The following SLC16A9 variants were observed in gnomAD, a reference collection of about 807,000 sequenced individuals.
SLC16A9 encodes the protein monocarboxylate transporter 9.
SLC16A9 carries 26 observed loss-of-function variants against 44.3 expected under a neutral mutation model. The ratio of observed to expected loss-of-function variants is 0.59; its 90% CI spans 0.43 to 0.81. The LOEUF (loss-of-function observed/expected upper bound fraction) is 0.81, where lower values mean the gene tolerates loss of function less well. Ranked by LOEUF, SLC16A9 falls within the 40% of genes least tolerant of loss-of-function variation. The pLI is 0.00. For synonymous variants in SLC16A9, 230 were observed against 225.1 expected, an observed-to-expected ratio of 1.02 and a Z score of -0.19; for missense variants, 559 against 595.8, an observed-to-expected ratio of 0.94 and a Z score of 0.64.
chr10:59,651,763 G>GCGCA lies in SLC16A9; in HGVS notation c.*1008_*1009insTGCG, dbSNP rs1554865128. ...CCCATGCAGACTTAGAGCATGCATA[G>GCGCA]CACACACACACACACACACACACAC... On this transcript the variant is annotated 3_prime_UTR_variant, in exon 6 of 6. Transcript: ENST00000395348. The GCGCA allele has an allele frequency of 2.0e-5, 3 of 149,924 alleles. No individual in the cohort carries two copies. Among genetic ancestry groups the GCGCA allele is most frequent in the South Asian group, 2.1e-4 (1 of 4,730 alleles). The allele number at this position is 149,924 out of a possible 1,614,324, so 9.3% of individuals were successfully genotyped here.
In SLC16A9 at chr10:59,654,102, G is replaced by A; in HGVS notation, c.924C>T (p.Ala308=). The A allele has an allele frequency of 1.9e-6, 3 of 1,614,062 alleles. No homozygotes were observed. Among genetic ancestry groups the A allele is most frequent in the Non-Finnish European group, 2.5e-6 (3 of 1,180,016 alleles). ...CAAAGAGTAAGATAGCAATGAAAAG[G>A]GCTGAAAATACTTTGTTTTTAAAAA... is the stretch of plus-strand genomic sequence containing the variant. ...VALFKNKVFS[A]LFIAILLFDI... The change falls in exon 5 of 6, where the codon GCC becomes GCT. Residue 308 remains alanine (A), a synonymous_variant. Coordinates refer to ENST00000395348, the MANE Select transcript of SLC16A9 (RefSeq NM_194298.3).
At chr10:59,673,299 C>T in intron 2 of SLC16A9, among the ~76,000 whole-genome samples, 1 of 152,048 alleles carries the variant, frequency 6.6e-6, no homozygotes, top group East Asian at 1.9e-4. Flanking sequence ...TAATAGTACC[C>T]ACCTGACCGT....
At chr10:59,703,562 T>C (rs1056685504) in intron 1 of SLC16A9, among the ~76,000 whole-genome samples, 3 of 152,194 alleles carry the variant, frequency 2.0e-5, no homozygotes, top group Non-Finnish European at 2.9e-5. Context: ...AAATTGGCTA[T>C]ATAGGATCAC....
intron 4 of SLC16A9, among the ~76,000 whole-genome samples, chr10:59,663,131 G>C (rs11006667): frequency 0.029 from 4,471 of 152,128 alleles, 204 homozygotes; most frequent in African/African-American, 0.1. Flanking sequence ...AGGCCGAGAG[G>C]GGCAGATCAT....
intron 2 of SLC16A9, among the ~76,000 whole-genome samples, chr10:59,681,833 G>GTATATGTA (rs1840029746): frequency 3.4e-5 from 1 of 29,818 alleles, no homozygotes; most frequent in Non-Finnish European, 6.8e-5. Flanking sequence ...ATATGTATAT[G>GTATATGTA]TATATGATGT....
chr10:59,657,188 T>G (rs941617771), intron 4 of SLC16A9, among the ~76,000 whole-genome samples: 2 of 152,250 alleles, frequency 1.3e-5, no homozygotes, highest in African/African-American at 4.8e-5. Flanking sequence ...TCACGTATTA[T>G]GAATATTCTT....
Position 59,653,674 on chromosome 10 carries a change from C to T in SLC16A9, c.1351+1G>A. On this transcript the variant is annotated splice_donor_variant, in intron 5 of 5. Transcript: ENST00000395348. LOFTEE classifies it high-confidence loss of function. ...GGATGATTTTAAGATAAATATCTTA[C>T]CAACGATGGGTGGTCCTAGGCTATT... The T allele has an allele frequency of 6.2e-7, 1 of 1,604,774 alleles. No individual in the cohort carries two copies. The highest frequency in any genetic ancestry group is 8.5e-7 in the Non-Finnish European group (1 of 1,175,146).
At chr10:59,708,621 T>A (rs1012225899) in intron 1 of SLC16A9, 1 of 152,196 alleles carries the variant, frequency 6.6e-6, no homozygotes, top group Non-Finnish European at 1.5e-5. Flanking sequence ...AAGTAATATA[T>A]TTAGCGTAAA....
At chr10:59,697,424 T>A (rs1840419760) in intron 1 of SLC16A9, among the ~76,000 whole-genome samples, 1 of 151,664 alleles carries the variant, frequency 6.6e-6, no homozygotes, top group South Asian at 2.1e-4. Flanking sequence ...TGTTGATCTG[T>A]GACCTTACCC....
At chr10:59,705,490 C>T (rs1840617750) in intron 1 of SLC16A9, among the ~76,000 whole-genome samples, 1 of 152,096 alleles carries the variant, frequency 6.6e-6, no homozygotes, top group African/African-American at 2.4e-5. Flanking sequence ...GGCTATGTGG[C>T]TCCCTTGACA....
Position 59,682,332 on chromosome 10 carries a change from A to G in SLC16A9, c.196+1764T>C, listed in dbSNP as rs1411288324. On this transcript the variant is annotated intron_variant, in intron 2 of 5. Transcript: ENST00000395348. ...TTTGCTCTGCTGTCACTAAATTTGC[A>G]CTGGGGCCTGCAAATTATGTAGCCA... 2.0e-5 allele frequency among the ~76,000 whole-genome samples: 3 copies of G among 152,282 alleles called. No individual in the cohort carries two copies. The East Asian group carries it at 5.8e-4, about 29-fold the overall frequency.
intron 2 of SLC16A9, among the ~76,000 whole-genome samples, chr10:59,682,554 G>T (rs1208617738): frequency 6.6e-6 from 1 of 152,182 alleles, no homozygotes; most frequent in African/African-American, 2.4e-5. Flanking sequence ...CTTGTGAAAA[G>T]AAGCTTCATT....
At chr10:59,692,014 C>G (rs1389054429) in intron 1 of SLC16A9, among the ~76,000 whole-genome samples, 2 of 152,172 alleles carry the variant, frequency 1.3e-5, no homozygotes, top group Non-Finnish European at 2.9e-5. Context: ...TCCCTAATAA[C>G]CCCCATTTGA....
intron 1 of SLC16A9, among the ~76,000 whole-genome samples, chr10:59,694,012 AC>A: frequency 6.6e-6 from 1 of 150,998 alleles, no homozygotes. Context: ...ATCTCGGCTC[AC>A]CACAAGCTCC....
intron 2 of SLC16A9, among the ~76,000 whole-genome samples, chr10:59,676,774 T>C (rs1042645595): frequency 1.3e-5 from 2 of 151,762 alleles, no homozygotes; most frequent in Non-Finnish European, 2.9e-5. Context: ...AATACAAAAA[T>C]TAGCCAGGTG....
chr10:59,652,681 G>T lies in SLC16A9; in HGVS notation c.*91C>A. ...TGTGAAATTTTGCTATGAGAAAATAGTCTTGACTCTAGAAAATTTGCTTGA... is the reference window on the plus strand; with the variant it reads ...TGTGAAATTTTGCTATGAGAAAATATTCTTGACTCTAGAAAATTTGCTTGA... On this transcript the variant is annotated 3_prime_UTR_variant, in exon 6 of 6. Transcript: ENST00000395348. 2 of 1,220,738 alleles carry T rather than the reference G, an allele frequency of 1.6e-6. No individual in the cohort carries two copies. The highest frequency in any genetic ancestry group is 2.3e-6 in the Non-Finnish European group (2 of 888,250). The allele number at this position is 1,220,738 out of a possible 1,614,324, so 75.6% of individuals were successfully genotyped here.
At chr10:59,688,068 G>A (rs538241852) in intron 1 of SLC16A9, among the ~76,000 whole-genome samples, 1 of 152,084 alleles carries the variant, frequency 6.6e-6, no homozygotes, top group Admixed American at 6.5e-5. Flanking sequence ...TAACCTTCAG[G>A]TCCCCAGCAG....
chr10:59,672,955 C>T (rs1269838398), intron 2 of SLC16A9, 42 bp from the exon 3 acceptor site: 1 of 1,555,152 alleles, frequency 6.4e-7, no homozygotes, highest in South Asian at 1.2e-5. Context: ...TCATATGATC[C>T]ATCCATCATA....
chr10:59,685,012 G>A (rs771807813), intron 1 of SLC16A9, among the ~76,000 whole-genome samples: 4 of 152,180 alleles, frequency 2.6e-5, no homozygotes, highest in Non-Finnish European at 4.4e-5. Context: ...CCTGAAGGAG[G>A]CCTGGAATGG....
Sources: gnomAD v4.1 joint callset for allele counts (sites outside exome capture counted in the v4.1 genomes callset) on GRCh38, gnomAD v4.1.1 for gene constraint, MANE v1.5 for transcripts, NCBI Gene and HGNC (gene_info 2026-07-23, HGNC 2026-07-21) for gene names.